LRP1B: variants seen among roughly 807,000 people sequenced by gnomAD.
The protein encoded by LRP1B is LDL receptor related protein 1B, also known as low-density lipoprotein receptor-related protein 1B.
LRP1B carries 217 observed loss-of-function variants against 556.6 expected under a neutral mutation model. The ratio of observed to expected loss-of-function variants is 0.39; its 90% CI spans 0.35 to 0.44. The LOEUF (loss-of-function observed/expected upper bound fraction) is 0.44, where lower values mean the gene tolerates loss of function less well. LRP1B is among the 20% of genes least tolerant of loss of function. The pLI, the probability that LRP1B is intolerant of heterozygous loss-of-function variation, is 1.00. For synonymous variants in LRP1B, 2,047 were observed against 1,865.8 expected, an observed-to-expected ratio of 1.10 and a Z score of -2.50; for missense variants, 5,053 against 5,620.8, an observed-to-expected ratio of 0.90 and a Z score of 3.23.
At chr2:141,496,287 T>C (rs4337426) in intron 2 of LRP1B, among the ~76,000 whole-genome samples, 84,366 of 151,478 alleles carry the variant, frequency 0.56, 23,894 homozygotes, top group African/African-American at 0.65. Flanking sequence ...AAAAAAAAAA[T>C]GCCAAACTTT....
chr2:140,530,240 G>T (rs1360205334), intron 47 of LRP1B, among the ~76,000 whole-genome samples: 1 of 151,914 alleles, frequency 6.6e-6, no homozygotes, highest in Non-Finnish European at 1.5e-5. Flanking sequence ...ATTAAAAAGT[G>T]ATAGGTGATT....
At chr2:141,447,092 TGG>T (rs1372540790) in intron 3 of LRP1B, among the ~76,000 whole-genome samples, 1 of 152,090 alleles carries the variant, frequency 6.6e-6, no homozygotes, top group Non-Finnish European at 1.5e-5. Flanking sequence ...CCATATTTCT[TGG>T]GGGCTTTGTT....
At chr2:141,851,245 A>G (rs1697846218) in intron 1 of LRP1B, among the ~76,000 whole-genome samples, 2 of 151,828 alleles carry the variant, frequency 1.3e-5, no homozygotes, top group Non-Finnish European at 2.9e-5. Flanking sequence ...AATTGGTCAT[A>G]TTACATTTGG....
intron 69 of LRP1B, 100 bp from the exon 70 acceptor site, chr2:140,371,385 TA>T: frequency 1.9e-6 from 1 of 525,644 alleles, no homozygotes; most frequent in East Asian, 3.3e-5. Flanking sequence ...TAGATGGTAA[TA>T]AAAATAGTTT....
intron 12 of LRP1B, 117 bp downstream of exon 12, chr2:141,019,805 A>G: frequency 2.8e-6 from 2 of 717,500 alleles, no homozygotes; most frequent in East Asian, 2.9e-5. Flanking sequence ...CACTAAGACC[A>G]TTTGTGTGGA....
At chr2:141,019,847 C>G (rs2105396186) in intron 12 of LRP1B, 75 bp downstream of exon 12, 2 of 1,095,652 alleles carry the variant, frequency 1.8e-6, no homozygotes, top group East Asian at 2.7e-5. Flanking sequence ...TTAAATAAAA[C>G]TATTATTAAC....
At chr2:140,953,086 T>C (rs1309418911) in intron 18 of LRP1B, among the ~76,000 whole-genome samples, 3 of 151,984 alleles carry the variant, frequency 2.0e-5, no homozygotes, top group Admixed American at 6.6e-5. Flanking sequence ...ATATTCTTTT[T>C]GTTTGTTTGT....
At chr2:140,788,719 G>A (rs1414446060) in intron 32 of LRP1B, among the ~76,000 whole-genome samples, 1 of 152,168 alleles carries the variant, frequency 6.6e-6, no homozygotes, top group East Asian at 1.9e-4. Flanking sequence ...AAGAGGGTTA[G>A]TTTAGGTGAT....
At position 140,659,480 on chromosome 2, in the gene LRP1B, G is replaced by C. The variant is rs78215489; in HGVS notation, c.6799+40770C>G. Reference sequence around the variant, plus strand: ...CCAGACCAACTTTGCAGTGTACTGAGTTTTGTTAATGTTTAACAGTTACCA... The same window carrying C: ...CCAGACCAACTTTGCAGTGTACTGACTTTTGTTAATGTTTAACAGTTACCA... On this transcript the variant is annotated intron_variant, in intron 41 of 90. Transcript: ENST00000389484. Among the ~76,000 whole-genome samples the C allele has an allele frequency of 1.9e-3, 285 of 152,114 alleles. 8 individuals carry two copies. In the East Asian group the frequency reaches 0.051, roughly 27 times the overall value.
At chr2:141,666,989 TTAAC>T (rs901885661) in intron 2 of LRP1B, among the ~76,000 whole-genome samples, 3 of 152,212 alleles carry the variant, frequency 2.0e-5, no homozygotes, top group African/African-American at 7.2e-5. Flanking sequence ...ATTTTTTTTT[TTAAC>T]TGAGTGTTTC....
chr2:140,704,790 G>A (rs1392841277), intron 37 of LRP1B, among the ~76,000 whole-genome samples: 2 of 151,988 alleles, frequency 1.3e-5, no homozygotes, highest in African/African-American at 2.4e-5. Context: ...ATATTCCAAA[G>A]TTCACATAAG....
chr2:140,979,783 T>C (rs1482253228), intron 18 of LRP1B, among the ~76,000 whole-genome samples: 2 of 152,172 alleles, frequency 1.3e-5, no homozygotes, highest in Non-Finnish European at 2.9e-5. Flanking sequence ...GGATTCTAGT[T>C]GTAAGCATGC....
intron 7 of LRP1B, among the ~76,000 whole-genome samples, chr2:141,182,717 A>G (rs1369274694): frequency 1.3e-5 from 2 of 151,968 alleles, no homozygotes; most frequent in Non-Finnish European, 2.9e-5. Flanking sequence ...TTATAGAAAG[A>G]TATCTTTCCT....
In LRP1B at chr2:141,999,170, G is replaced by A. The variant is rs139136240; in HGVS notation, c.82+131478C>T. Among the ~76,000 whole-genome samples the A allele has an allele frequency of 2.5e-4, 38 of 152,126 alleles. 2 individuals carry two copies. In the East Asian group the frequency reaches 7.2e-3, roughly 29 times the overall value. On this transcript the variant is annotated intron_variant, in intron 1 of 90. Coordinates refer to ENST00000389484, the MANE Select transcript of LRP1B (RefSeq NM_018557.3). The stretch of plus-strand genomic sequence containing the variant: ...CTGCTTCATCAGTCTTTAGATCTCC[G>A]TTTTAATCTAAATTCTGGTCAGCTG...
At chr2:141,893,964 T>G (rs576167389) in intron 1 of LRP1B, among the ~76,000 whole-genome samples, 60 of 152,234 alleles carry the variant, frequency 3.9e-4, no homozygotes, top group African/African-American at 1.4e-3. Context: ...TCTCTCACTC[T>G]TTTTCTTTTT....
At chr2:140,976,168 C>T (rs530047369) in intron 18 of LRP1B, among the ~76,000 whole-genome samples, 1 of 152,182 alleles carries the variant, frequency 6.6e-6, no homozygotes, top group South Asian at 2.1e-4. Context: ...GATCCACCTA[C>T]ATCAGCCTGC....
At chr2:141,596,828 G>A (rs1318302915) in intron 2 of LRP1B, among the ~76,000 whole-genome samples, 2 of 151,912 alleles carry the variant, frequency 1.3e-5, no homozygotes, top group Non-Finnish European at 2.9e-5. Context: ...TGTGCCATAT[G>A]CCATTAAGAA....
intron 1 of LRP1B, among the ~76,000 whole-genome samples, chr2:141,866,848 T>C (rs142245996): frequency 1.0e-3 from 137 of 135,292 alleles, no homozygotes; most frequent in Middle Eastern, 7.2e-3. Flanking sequence ...GGAAAGGAAA[T>C]AGAAGGAGAG....
At chr2:140,666,650 T>C (rs1685286106) in intron 41 of LRP1B, among the ~76,000 whole-genome samples, 1 of 152,308 alleles carries the variant, frequency 6.6e-6, no homozygotes, top group East Asian at 1.9e-4. Context: ...AACTAACATT[T>C]CCAAGGATTA....
Sources: gnomAD v4.1 joint callset for allele counts (sites outside exome capture counted in the v4.1 genomes callset) on GRCh38, gnomAD v4.1.1 for gene constraint, MANE v1.5 for transcripts, NCBI Gene and HGNC (gene_info 2026-07-23, HGNC 2026-07-21) for gene names.